The following SGCD variants were observed in gnomAD, a reference collection of about 807,000 sequenced individuals.
The protein encoded by SGCD is delta-sarcoglycan.
In SGCD, 18 loss-of-function variants were observed where a neutral mutation model predicts 36.6. The ratio of observed to expected loss-of-function variants is 0.49; its 90% CI spans 0.34 to 0.73. The LOEUF is 0.73. Among genes scored for constraint, SGCD ranks in the 30% least tolerant of loss-of-function variants. The pLI, the probability that SGCD is intolerant of heterozygous loss-of-function variation, is 0.01. For synonymous variants in SGCD, 133 were observed against 130.6 expected, an observed-to-expected ratio of 1.02 and a Z score of -0.12; for missense variants, 387 against 346.7, an observed-to-expected ratio of 1.12 and a Z score of -0.92.
chr5:156,073,833 G>A (rs2127589222), intron 1 of SGCD, among the ~76,000 whole-genome samples: 1 of 152,324 alleles, frequency 6.6e-6, no homozygotes, highest in Non-Finnish European at 1.5e-5. Context: ...TTATTTGAAA[G>A]TCCCATATGT....
intron 8 of SGCD, chr5:156,758,116 G>A: frequency 1.7e-6 from 1 of 587,496 alleles, no homozygotes; most frequent in Non-Finnish European, 2.2e-6. Context: ...TGAAAATGGG[G>A]AGGCAGATTG....
At chr5:156,757,047 G>T (rs1403448751) in intron 7 of SGCD, among the ~76,000 whole-genome samples, 3 of 152,026 alleles carry the variant, frequency 2.0e-5, no homozygotes, top group Admixed American at 6.6e-5. Flanking sequence ...GGCTTTAAGA[G>T]ATTTTAGAAA....
At chr5:155,779,950 A>G in the SGCD span, among the ~76,000 whole-genome samples, 2 of 152,174 alleles carry the variant, frequency 1.3e-5, no homozygotes, top group Non-Finnish European at 2.9e-5. Flanking sequence ...TTCCTCTTTT[A>G]TGATTTTCCC....
intron 3 of SGCD, among the ~76,000 whole-genome samples, chr5:156,353,731 A>T (rs1398889763): frequency 1.3e-5 from 2 of 152,356 alleles, no homozygotes; most frequent in Non-Finnish European, 2.9e-5. Context: ...AGCTCAATCC[A>T]TCCATCTGAA....
At chr5:156,560,649 G>T (rs111354882) in intron 4 of SGCD, among the ~76,000 whole-genome samples, 1 of 152,132 alleles carries the variant, frequency 6.6e-6, no homozygotes, top group Non-Finnish European at 1.5e-5. Flanking sequence ...TAGTGTTTAG[G>T]ATGAGACTTC....
chr5:156,228,320 C>G (rs1192531255), intron 3 of SGCD, among the ~76,000 whole-genome samples: 1 of 152,056 alleles, frequency 6.6e-6, no homozygotes, highest in Non-Finnish European at 1.5e-5. Flanking sequence ...TTTGGGATCT[C>G]CAGTGTTAGG....
chr5:156,405,157 T>A (rs1221729959), intron 3 of SGCD, among the ~76,000 whole-genome samples: 1 of 152,074 alleles, frequency 6.6e-6, no homozygotes, highest in Non-Finnish European at 1.5e-5. Context: ...CTAAGAGTGG[T>A]CCCCAGGCAC....
Position 155,912,352 on chromosome 5 carries a change from C to A in SGCD, c.-282+41928C>A, listed in dbSNP as rs1209515284. Among the ~76,000 whole-genome samples, 3 of 152,114 alleles carry A rather than the reference C, an allele frequency of 2.0e-5. No individual in the cohort carries two copies. The East Asian group carries it at 5.8e-4, about 30-fold the overall frequency. On this transcript the variant is annotated intron_variant, in intron 1 of 9. Transcript: ENST00000517913. ...CATTAGCTTTTGTTCACCTTCAAAG[C>A]GTTTCTTGTGCTGGCAATAACATTG...
chr5:155,937,158 C>T (rs891856269), intron 1 of SGCD, among the ~76,000 whole-genome samples: 3 of 152,132 alleles, frequency 2.0e-5, no homozygotes, highest in Admixed American at 6.6e-5. Context: ...CAGAGAGGCC[C>T]GGGTCTGCAG....
intron 6 of SGCD, among the ~76,000 whole-genome samples, chr5:156,619,993 T>C (rs1453217110): frequency 6.6e-6 from 1 of 152,070 alleles, no homozygotes; most frequent in Non-Finnish European, 1.5e-5. Flanking sequence ...GAGGAGAAAA[T>C]ATCCAGTCTT....
intron 3 of SGCD, among the ~76,000 whole-genome samples, chr5:156,388,973 G>A (rs1382772199): frequency 1.1e-4 from 16 of 152,062 alleles, no homozygotes; most frequent in Admixed American, 1.0e-3. Context: ...ATTTGATTCT[G>A]TAATGAGTGT....
chr5:156,100,452 G>A (rs1409566952), intron 1 of SGCD, among the ~76,000 whole-genome samples: 1 of 152,186 alleles, frequency 6.6e-6, no homozygotes, highest in Non-Finnish European at 1.5e-5. Flanking sequence ...GCATGTATGT[G>A]TATGCATGTG....
chr5:156,071,529 C>A (rs1445076778), intron 1 of SGCD, among the ~76,000 whole-genome samples: 3 of 152,108 alleles, frequency 2.0e-5, no homozygotes, highest in African/African-American at 7.2e-5. Context: ...TTTACATTTG[C>A]TGAGGAGAGC....
intron 3 of SGCD, among the ~76,000 whole-genome samples, chr5:156,138,549 A>G (rs1412117150): frequency 1.3e-5 from 2 of 152,204 alleles, no homozygotes; most frequent in African/African-American, 2.4e-5. Context: ...TTTACTTCTC[A>G]CCAGCATCAT....
At chr5:156,568,397 A>AAATG (rs1157830080) in intron 4 of SGCD, among the ~76,000 whole-genome samples, 1 of 152,186 alleles carries the variant, frequency 6.6e-6, no homozygotes, top group Non-Finnish European at 1.5e-5. Context: ...ATAAATAAAT[A>AAATG]AAGACTCAGG....
At chr5:156,250,519 G>T (rs1765548220) in intron 3 of SGCD, among the ~76,000 whole-genome samples, 1 of 152,116 alleles carries the variant, frequency 6.6e-6, no homozygotes, top group South Asian at 2.1e-4. Flanking sequence ...CCACTAATGA[G>T]CTGTGAGACC....
chr5:155,747,277 A>T, the SGCD span, among the ~76,000 whole-genome samples: 1 of 152,304 alleles, frequency 6.6e-6, no homozygotes, highest in South Asian at 2.1e-4. Context: ...AGAACACAGT[A>T]AGTGGGGTTC....
At chr5:155,922,320 T>C (rs971165738) in intron 1 of SGCD, among the ~76,000 whole-genome samples, 2 of 152,136 alleles carry the variant, frequency 1.3e-5, no homozygotes, top group African/African-American at 4.8e-5. Flanking sequence ...GACATGGCAG[T>C]GTCCCACAGG....
intron 3 of SGCD, among the ~76,000 whole-genome samples, chr5:156,403,318 A>G (rs1347335047): frequency 2.0e-5 from 3 of 152,194 alleles, no homozygotes; most frequent in Non-Finnish European, 2.9e-5. Flanking sequence ...TTCTGTTGCC[A>G]TACCCCAAAG....
Sources: gnomAD v4.1 joint callset for allele counts (sites outside exome capture counted in the v4.1 genomes callset) on GRCh38, gnomAD v4.1.1 for gene constraint, MANE v1.5 for transcripts, NCBI Gene and HGNC (gene_info 2026-07-23, HGNC 2026-07-21) for gene names.